Variants in CCDC170 observed in about 807,000 individuals in gnomAD.
CCDC170 encodes coiled-coil domain containing 170.
Under a neutral mutation model 72.6 loss-of-function variants are expected in CCDC170, and 69 were observed. The observed-to-expected ratio is 0.95, with a 90% CI of 0.78 to 1.16. The LOEUF is 1.16. Ranked by LOEUF, CCDC170 falls within the 50% of genes most tolerant of loss-of-function variation. The pLI is 0.00. For missense variants in CCDC170, 852 were observed against 832.5 expected (o/e 1.02, Z -0.29); for synonymous variants, 300 against 303.9 (o/e 0.99, Z 0.13).
At chr6:151,561,513 C>CT (rs930404523) in intron 5 of CCDC170, among the ~76,000 whole-genome samples, 14 of 152,038 alleles carry the variant, frequency 9.2e-5, no homozygotes, top group African/African-American at 3.1e-4. Context: ...CAATTTTTTT[C>CT]TTTTTAGGAG....
Position 151,593,149 on chromosome 6 carries a change from G to A in CCDC170, c.1336G>A (p.Asp446Asn), listed in dbSNP as rs1355284538. The part of the protein sequence containing the change: ...LDQLSQKMKL[D>N]QMAAELGFDM... ...TCAGCTTTCTCAGAAAATGAAGTTG[G>A]ACCAGATGGCTGCCGAACTTGGCTT... Residue 446 changes from aspartate to asparagine, a missense_variant, in exon 8 of 11, where the codon GAC (aspartate) becomes AAC (asparagine). Asp to Asn is a conservative substitution (Grantham distance 23). Coordinates refer to ENST00000239374, the MANE Select transcript of CCDC170 (RefSeq NM_025059.4). 1.2e-6 allele frequency: 2 copies of A among 1,614,040 alleles called. No individual in the cohort carries two copies. The highest frequency in any genetic ancestry group is 8.5e-7 in the Non-Finnish European group (1 of 1,180,040).
At chr6:151,546,629 A>T (rs1268945463) in intron 4 of CCDC170, among the ~76,000 whole-genome samples, 1 of 152,018 alleles carries the variant, frequency 6.6e-6, no homozygotes, top group Admixed American at 6.6e-5. Flanking sequence ...TAAGCCCCCC[A>T]GACAGCTCGG....
chr6:151,607,236 T>G (rs1458944537), intron 9 of CCDC170, among the ~76,000 whole-genome samples: 1 of 152,124 alleles, frequency 6.6e-6, no homozygotes, highest in Non-Finnish European at 1.5e-5. Flanking sequence ...GAAATGTATT[T>G]TCAGTCTATA....
At chr6:151,614,565 C>T (rs1361039709) in intron 9 of CCDC170, among the ~76,000 whole-genome samples, 3 of 152,036 alleles carry the variant, frequency 2.0e-5, no homozygotes, top group Non-Finnish European at 4.4e-5. Context: ...AGCAATTCTC[C>T]TGCCTCAGCC....
rs1377308336 is a variant in CCDC170, at chr6:151,621,008, T to TC, written c.*2861_*2862insC. ...ATACACAGAATGATCTACAGTGATC[T>TC]TTAACATACTCAGAAATATGAAAAA... On this transcript the variant is annotated 3_prime_UTR_variant, in exon 11 of 11. Coordinates refer to ENST00000239374, the MANE Select transcript of CCDC170 (RefSeq NM_025059.4). 1 of 152,226 alleles carries TC rather than the reference T, an allele frequency of 6.6e-6. No homozygotes were observed. Among genetic ancestry groups the TC allele is most frequent in the Non-Finnish European group, 1.5e-5 (1 of 68,044 alleles). 9.4% of individuals were successfully genotyped at this position (152,226 alleles called of 1,614,324 possible). A position where few individuals can be genotyped will look rare whatever the true frequency, so the allele number is the denominator to read the frequency against.
At chr6:151,534,171 C>T (rs1782539577) in intron 1 of CCDC170, among the ~76,000 whole-genome samples, 1 of 151,200 alleles carries the variant, frequency 6.6e-6, no homozygotes, top group Non-Finnish European at 1.5e-5. Context: ...CTCAAGCCTT[C>T]CTCCCACCTC....
intron 3 of CCDC170, among the ~76,000 whole-genome samples, chr6:151,543,682 A>AT (rs948144111): frequency 6.6e-6 from 1 of 152,056 alleles, no homozygotes; most frequent in Non-Finnish European, 1.5e-5. Context: ...TACGAGTTCA[A>AT]TTTTTTGTAG....
At chr6:151,555,968 G>A (rs951162758) in intron 5 of CCDC170, among the ~76,000 whole-genome samples, 10 of 152,208 alleles carry the variant, frequency 6.6e-5, no homozygotes, top group Admixed American at 4.6e-4. Context: ...AAGCTGGATT[G>A]GGGATGGTGG....
chr6:151,558,796 G>A (rs1462692860), intron 5 of CCDC170, among the ~76,000 whole-genome samples: 1 of 152,014 alleles, frequency 6.6e-6, no homozygotes, highest in African/African-American at 2.4e-5. Context: ...GTTTATTATA[G>A]CCTTGAAGTA....
At chr6:151,508,393 C>T (rs1782094527) in intron 1 of CCDC170, among the ~76,000 whole-genome samples, 1 of 151,964 alleles carries the variant, frequency 6.6e-6, no homozygotes. Flanking sequence ...CAAAATTAGC[C>T]AGGCATAGTG....
Position 151,596,544 on chromosome 6 carries a change from C to T in CCDC170, c.1677C>T (p.Leu559=). The T allele has an allele frequency of 6.2e-7, 1 of 1,614,062 alleles. No homozygotes were observed. Among genetic ancestry groups the T allele is most frequent in the Non-Finnish European group, 8.5e-7 (1 of 1,180,004 alleles). ...CGTGTCGAGACTTGCACACCGAGCT[C>T]AAAGCCAAACTGGCCGACACCAATG... is the stretch of plus-strand genomic sequence containing the variant. The part of the protein sequence containing the change: ...LNTCRDLHTE[L]KAKLADTNEL... Residue 559 remains leucine (L), a synonymous_variant, in exon 9 of 11, where the codon CTC becomes CTT. Coordinates refer to ENST00000239374, the MANE Select transcript of CCDC170 (RefSeq NM_025059.4).
chr6:151,576,116 AC>A (rs1463876532), intron 6 of CCDC170, among the ~76,000 whole-genome samples: 5 of 152,226 alleles, frequency 3.3e-5, no homozygotes, highest in African/African-American at 4.8e-5. Context: ...AGTGGAAACC[AC>A]ACTTTGAGTG....
At chr6:151,585,637 T>C (rs1160247587) in intron 6 of CCDC170, among the ~76,000 whole-genome samples, 1 of 152,248 alleles carries the variant, frequency 6.6e-6, no homozygotes, top group Non-Finnish European at 1.5e-5. Context: ...CATAAATTTT[T>C]ATTGATTAAC....
At chr6:151,533,220 AT>A (rs1173270349) in intron 1 of CCDC170, among the ~76,000 whole-genome samples, 5 of 150,966 alleles carry the variant, frequency 3.3e-5, no homozygotes, top group Admixed American at 6.6e-5. Flanking sequence ...CACCCGGCTA[AT>A]TTTTTTTTAT....
chr6:151,569,013 C>G (rs752703444), intron 5 of CCDC170, among the ~76,000 whole-genome samples: 8 of 152,176 alleles, frequency 5.3e-5, no homozygotes, highest in Non-Finnish European at 8.8e-5. Context: ...ACAATTTATA[C>G]CAAAATTATA....
intron 1 of CCDC170, among the ~76,000 whole-genome samples, chr6:151,525,377 G>A (rs987191745): frequency 1.3e-5 from 2 of 152,152 alleles, no homozygotes; most frequent in Admixed American, 6.5e-5. Flanking sequence ...AACCACAAAA[G>A]AAGTGAAAAT....
chr6:151,595,723 G>A (rs1199212170), intron 8 of CCDC170, among the ~76,000 whole-genome samples: 7 of 152,102 alleles, frequency 4.6e-5, no homozygotes, highest in Non-Finnish European at 8.8e-5. Context: ...CGGCTGAGAG[G>A]TGGAAGGATT....
chr6:151,587,284 C>T (rs1346652125), intron 7 of CCDC170, among the ~76,000 whole-genome samples: 1 of 151,982 alleles, frequency 6.6e-6, no homozygotes, highest in Non-Finnish European at 1.5e-5. Flanking sequence ...CGGTGGAGAG[C>T]AAAAGCCAGT....
At chr6:151,562,821 G>A (rs1232151878) in intron 5 of CCDC170, among the ~76,000 whole-genome samples, 1 of 152,124 alleles carries the variant, frequency 6.6e-6, no homozygotes, top group Non-Finnish European at 1.5e-5. Flanking sequence ...GGGAGGAGTG[G>A]GTGGGAAGAG....
Sources: allele counts gnomAD v4.1 joint callset (sites outside exome capture counted in the v4.1 genomes callset), GRCh38; gene constraint gnomAD v4.1.1; transcripts MANE v1.5; gene names NCBI Gene and HGNC (gene_info 2026-07-23, HGNC 2026-07-21).